The following NTNG2 variants were observed in gnomAD, a reference collection of about 807,000 sequenced individuals.
NTNG2 encodes the protein netrin G2.
Under a neutral mutation model 47.6 loss-of-function variants are expected in NTNG2, and 15 were observed. That is an observed-to-expected ratio of 0.32 (90% CI 0.21 to 0.49). NTNG2 has a LOEUF of 0.49. NTNG2 is among the 20% of genes least tolerant of loss of function. The pLI is 0.99. For synonymous variants in NTNG2, 307 were observed against 324.6 expected (o/e 0.95, Z 0.58); for missense variants, 578 against 764.6 (o/e 0.76, Z 2.88).
At chr9:132,209,044 C>T (rs1185425283) in intron 3 of NTNG2, among the ~76,000 whole-genome samples, 1 of 152,234 alleles carries the variant, frequency 6.6e-6, no homozygotes, top group Non-Finnish European at 1.5e-5. Flanking sequence ...AGGACTGTGC[C>T]GTGTGCACTG....
Position 132,221,463 on chromosome 9 carries a change from G to A in NTNG2, c.858-5386G>A, listed in dbSNP as rs1295973251. ...CCCACAGTGACCTGCAAAAGTCAGA[G>A]AGACCAGAAGCACCTGCATTGACCA... On this transcript the variant is annotated intron_variant, in intron 3 of 7. Coordinates refer to ENST00000393229, the MANE Select transcript of NTNG2 (RefSeq NM_032536.4). The surrounding 1 kb of genome is among the most constrained non-coding windows in gnomAD (Gnocchi z 4.2). 6.6e-6 allele frequency among the ~76,000 whole-genome samples: 1 copy of A among 151,780 alleles called. No individual in the cohort carries two copies. Among genetic ancestry groups the A allele is most frequent in the Non-Finnish European group, 1.5e-5 (1 of 68,030 alleles).
At chr9:132,222,555 G>C (rs1370937195) in intron 3 of NTNG2, among the ~76,000 whole-genome samples, 1 of 152,198 alleles carries the variant, frequency 6.6e-6, no homozygotes, top group Non-Finnish European at 1.5e-5. Flanking sequence ...GGCTAGTGCT[G>C]CTGGCCAGGG....
chr9:132,214,625 G>C (rs1340831843), intron 3 of NTNG2, among the ~76,000 whole-genome samples: 4 of 152,226 alleles, frequency 2.6e-5, no homozygotes, highest in Non-Finnish European at 5.9e-5. Context: ...CCAGCTTCCA[G>C]CAAGCAAGTG....
intron 2 of NTNG2, among the ~76,000 whole-genome samples, chr9:132,184,585 G>A (rs560624826): frequency 5.0e-4 from 76 of 152,368 alleles, no homozygotes; most frequent in African/African-American, 1.8e-3. Flanking sequence ...AAGCTCCGCG[G>A]GGTGGAGGGG....
chr9:132,220,736 C>T (rs528054344), intron 3 of NTNG2, among the ~76,000 whole-genome samples: 6 of 152,288 alleles, frequency 3.9e-5, no homozygotes, highest in African/African-American at 1.2e-4. Context: ...GCGTGAGCCA[C>T]CGCACCTGGC....
At chr9:132,179,383 G>A (rs1836753590) in intron 2 of NTNG2, among the ~76,000 whole-genome samples, 1 of 152,174 alleles carries the variant, frequency 6.6e-6, no homozygotes, top group African/African-American at 2.4e-5. Context: ...AGATCTTGGG[G>A]GCCCTGAGGG....
At position 132,238,726 on chromosome 9, in the gene NTNG2, A is replaced by G. The variant is rs538085645; in HGVS notation, c.1055-378A>G. ...CTCCCCCAGTGCACAGCCAGGTGGC[A>G]TGACCCTGCCCTCCTTGCATGAATC... On this transcript the variant is annotated intron_variant, in intron 5 of 7. Coordinates refer to ENST00000393229, the MANE Select transcript of NTNG2 (RefSeq NM_032536.4). 1.1e-4 allele frequency among the ~76,000 whole-genome samples: 16 copies of G among 152,362 alleles called. No homozygotes were observed. The East Asian group carries it at 3.1e-3, about 29-fold the overall frequency.
intron 5 of NTNG2, chr9:132,233,805 C>T (rs1464997983): frequency 1.3e-5 from 2 of 152,158 alleles, no homozygotes; most frequent in Non-Finnish European, 2.9e-5. Flanking sequence ...TGTTATTTTC[C>T]TAGTCCCACA....
chr9:132,222,617 G>A (rs150949918), intron 3 of NTNG2, among the ~76,000 whole-genome samples: 43 of 152,200 alleles, frequency 2.8e-4, no homozygotes, highest in East Asian at 2.3e-3. Context: ...GACGTCCTTC[G>A]TCCTGGGAAC....
chr9:132,172,705 G>A (rs373610645), intron 2 of NTNG2, among the ~76,000 whole-genome samples: 2 of 150,716 alleles, frequency 1.3e-5, no homozygotes, highest in Admixed American at 6.6e-5. Flanking sequence ...TCTCAGAGGA[G>A]GCAGGATCAG....
intron 3 of NTNG2, among the ~76,000 whole-genome samples, chr9:132,211,506 T>G (rs1045389435): frequency 6.6e-5 from 10 of 152,116 alleles, no homozygotes; most frequent in African/African-American, 2.2e-4. Context: ...ACTTTCCCTC[T>G]CACCTCCTTC....
In NTNG2 at chr9:132,197,511, A is replaced by G. The variant is rs73661558; in HGVS notation, c.214-455A>G. On this transcript the variant is annotated intron_variant, in intron 2 of 7. Coordinates refer to ENST00000393229, the MANE Select transcript of NTNG2 (RefSeq NM_032536.4). This position sits in a 1 kb window ranked among gnomAD's most constrained non-coding sequence, Gnocchi z 4.3. ...TGAGGCGGACAGAGTGGAAGGGCAC[A>G]TGAAGGAGACAGAATGCCATCTGCA... Among the ~76,000 whole-genome samples, 1,497 of 152,370 alleles carry G rather than the reference A, an allele frequency of 9.8e-3. 26 individuals carry two copies. Among genetic ancestry groups the G allele is most frequent in the African/African-American group, 0.035 (1,436 of 41,590 alleles).
chr9:132,234,340 C>T (rs1296074870), intron 5 of NTNG2, among the ~76,000 whole-genome samples: 1 of 152,202 alleles, frequency 6.6e-6, no homozygotes, highest in African/African-American at 2.4e-5. Flanking sequence ...GTAGTGCTGT[C>T]TCCAAGGCCT....
chr9:132,226,915 G>T lies in NTNG2; in HGVS notation c.924G>T (p.Glu308Asp). The change falls in exon 4 of 8, where the codon GAG (glutamate) becomes GAT (aspartate). Residue 308 changes from glutamate (E) to aspartate (D), a missense_variant. Glu to Asp is a conservative substitution (Grantham distance 45, BLOSUM62 2). Transcript: ENST00000393229. The surrounding 1 kb of genome is among the most constrained non-coding windows in gnomAD (Gnocchi z 4.8). ...MREGSLQCECEHNTTGPDCGK... is the reference protein window; with the variant it reads ...MREGSLQCECDHNTTGPDCGK... The stretch of plus-strand genomic sequence containing the variant: ...AGGGCAGCCTGCAGTGCGAGTGCGA[G>T]CACAACACCACCGGCCCCGACTGCG... The T allele has an allele frequency of 6.2e-7, 1 of 1,612,882 alleles. No individual in the cohort carries two copies.
intron 3 of NTNG2, among the ~76,000 whole-genome samples, chr9:132,223,900 G>A (rs1441140418): frequency 1.3e-5 from 2 of 151,872 alleles, no homozygotes; most frequent in African/African-American, 4.9e-5. Context: ...CCGTCTCCTG[G>A]TCTGGCCTCC....
At chr9:132,225,033 C>A (rs1282507152) in intron 3 of NTNG2, among the ~76,000 whole-genome samples, 1 of 151,902 alleles carries the variant, frequency 6.6e-6, no homozygotes, top group African/African-American at 2.4e-5. Context: ...GATTCTCCTG[C>A]CTCAGCCTCC....
chr9:132,198,677 T>G, intron 3 of NTNG2, 68 bp downstream of exon 3: 1 of 1,490,810 alleles, frequency 6.7e-7, no homozygotes, highest in Admixed American at 1.9e-5. Flanking sequence ...GGGACGTTAT[T>G]GGATACCTGG....
At chr9:132,191,489 G>C (rs1281379299) in intron 2 of NTNG2, among the ~76,000 whole-genome samples, 1 of 152,110 alleles carries the variant, frequency 6.6e-6, no homozygotes, top group Non-Finnish European at 1.5e-5. Flanking sequence ...TCAAAGGAGA[G>C]AGCTGAGAGG....
chr9:132,175,376 G>A (rs1311462072), intron 2 of NTNG2, among the ~76,000 whole-genome samples: 1 of 152,208 alleles, frequency 6.6e-6, no homozygotes, highest in Non-Finnish European at 1.5e-5. Flanking sequence ...GCAATTGAGG[G>A]GCAATTGAGA....
Sources: allele counts gnomAD v4.1 joint callset (sites outside exome capture counted in the v4.1 genomes callset), GRCh38; gene constraint gnomAD v4.1.1; non-coding constraint Gnocchi (gnomAD v3.1); transcripts MANE v1.5; gene names NCBI Gene and HGNC (gene_info 2026-07-23, HGNC 2026-07-21).